The following BMPER variants were observed in gnomAD, a reference collection of about 807,000 sequenced individuals.
BMPER encodes the protein BMP-binding endothelial regulator protein.
Under a neutral mutation model 87.3 loss-of-function variants are expected in BMPER, and 45 were observed. That is an observed-to-expected ratio of 0.52 (90% confidence interval 0.41 to 0.66). The LOEUF is 0.66. BMPER is among the 30% of genes least tolerant of loss of function. The pLI is 0.00. For synonymous variants in BMPER, 326 were observed against 316.2 expected (o/e 1.03, Z -0.33); for missense variants, 784 against 867.5 (o/e 0.90, Z 1.21).
chr7:34,105,132 G>A (rs1278201891), intron 13 of BMPER, among the ~76,000 whole-genome samples: 1 of 152,154 alleles, frequency 6.6e-6, no homozygotes, highest in Non-Finnish European at 1.5e-5. Context: ...ACATGTTCTG[G>A]GCTATTTGTG....
intron 6 of BMPER, among the ~76,000 whole-genome samples, chr7:34,014,041 G>A (rs1786957524): frequency 6.6e-6 from 1 of 151,906 alleles, no homozygotes; most frequent in Non-Finnish European, 1.5e-5. Context: ...TTGCCCATCA[G>A]GGTAAGGACC....
chr7:33,907,783 C>A (rs1783859179), intron 2 of BMPER, among the ~76,000 whole-genome samples: 2 of 152,104 alleles, frequency 1.3e-5, no homozygotes, highest in African/African-American at 2.4e-5. Context: ...ATGCAAAGCC[C>A]CAGAATGATA....
At chr7:33,969,917 T>G (rs1372142007) in intron 4 of BMPER, among the ~76,000 whole-genome samples, 3 of 152,176 alleles carry the variant, frequency 2.0e-5, no homozygotes, top group Non-Finnish European at 4.4e-5. Flanking sequence ...TGGGTTAAGA[T>G]GCTTATATGC....
At chr7:33,966,692 T>C in intron 4 of BMPER, 131 bp downstream of exon 4, 3 of 797,368 alleles carry the variant, frequency 3.8e-6, no homozygotes, top group African/African-American at 1.7e-5. Flanking sequence ...AAAAAGCAAC[T>C]GTATCCTTGT....
chr7:34,076,206 A>G (rs1054052180), intron 11 of BMPER, among the ~76,000 whole-genome samples: 2 of 152,166 alleles, frequency 1.3e-5, no homozygotes, highest in Non-Finnish European at 2.9e-5. Flanking sequence ...GCTTCCCCAG[A>G]GTCACTTGAG....
rs1400459857 is a variant in BMPER, at chr7:34,078,906, C to T, written c.1128C>T (p.Asp376=). The change falls in exon 12 of 15, where the codon GAC becomes GAT. Residue 376 remains aspartate, a synonymous_variant. Transcript: ENST00000649409. ...VFGDPHYNTF[D]GRTFNFQGTC... The stretch of plus-strand genomic sequence containing the variant: ...GAGATCCCCACTACAACACTTTTGA[C>T]GGTCGGACATTTAACTTTCAGGGGA... The T allele has an allele frequency of 5.6e-6, 9 of 1,614,068 alleles. No individual in the cohort carries two copies. The highest frequency in any genetic ancestry group is 1.3e-5 in the African/African-American group (1 of 74,908).
At chr7:33,966,338 G>T in intron 3 of BMPER, 141 bp from the exon 4 acceptor site, 1 of 711,068 alleles carries the variant, frequency 1.4e-6, no homozygotes, top group Non-Finnish European at 2.5e-6. Flanking sequence ...GTTGTGTTTT[G>T]GGGAAAAATA....
Position 34,079,147 on chromosome 7 carries a change from G to T in BMPER, c.1369G>T (p.Asp457Tyr). 1 of 1,613,892 alleles carries T rather than the reference G, an allele frequency of 6.2e-7. No individual in the cohort carries two copies. Among genetic ancestry groups the T allele is most frequent in the East Asian group, 2.2e-5 (1 of 44,866 alleles). ...LPCRAPHFHIDLDGYLLKVTT... is the reference protein window; with the variant it reads ...LPCRAPHFHIYLDGYLLKVTT... ...CTGCCGCGCGCCACACTTCCACATC[G>T]ACCTGGATGGCTACCTCTTGAAAGT... The change falls in exon 12 of 15, where the codon GAC becomes TAC. Residue 457 changes from aspartate (D) to tyrosine (Y), a missense_variant. Transcript: ENST00000649409.
At chr7:33,933,914 G>A (rs962078609) in intron 2 of BMPER, among the ~76,000 whole-genome samples, 4 of 152,192 alleles carry the variant, frequency 2.6e-5, no homozygotes, top group African/African-American at 9.7e-5. Flanking sequence ...TCTGTAAGAT[G>A]GCGATCATTG....
chr7:34,112,719 T>C (rs1485998214), intron 13 of BMPER, among the ~76,000 whole-genome samples: 1 of 152,004 alleles, frequency 6.6e-6, no homozygotes, highest in African/African-American at 2.4e-5. Context: ...TATAGGATCA[T>C]TTTAAATGCC....
chr7:34,089,120 A>G (rs1269710451), intron 13 of BMPER, among the ~76,000 whole-genome samples: 1 of 152,192 alleles, frequency 6.6e-6, no homozygotes, highest in African/African-American at 2.4e-5. Context: ...ACCCAAAAGT[A>G]TAGTCAGATC....
intron 9 of BMPER, among the ~76,000 whole-genome samples, chr7:34,056,380 T>A (rs748652697): frequency 6.6e-6 from 1 of 152,012 alleles, no homozygotes; most frequent in Non-Finnish European, 1.5e-5. Flanking sequence ...CCTGCACATG[T>A]ACCCCAGAAC....
At chr7:34,060,224 C>T (rs956810378) in intron 10 of BMPER, among the ~76,000 whole-genome samples, 3 of 152,092 alleles carry the variant, frequency 2.0e-5, no homozygotes, top group African/African-American at 7.2e-5. Context: ...CTTTCATTTT[C>T]TGAAGACGAG....
At chr7:34,117,348 C>T (rs1232750467) in intron 13 of BMPER, among the ~76,000 whole-genome samples, 1 of 152,172 alleles carries the variant, frequency 6.6e-6, no homozygotes, top group African/African-American at 2.4e-5. Flanking sequence ...ACTAGGCTTA[C>T]ATTCCTATGA....
chr7:33,937,484 G>A (rs1784633515), intron 3 of BMPER, 96 bp downstream of exon 3: 6 of 1,209,938 alleles, frequency 5.0e-6, no homozygotes, highest in Non-Finnish European at 7.2e-6. Flanking sequence ...CTTTTGGCTG[G>A]GGTGCACATG....
At position 34,085,097 on chromosome 7, in the gene BMPER, G is replaced by C. The variant is rs541124653; in HGVS notation, c.1409-659G>C. Among the ~76,000 whole-genome samples, 9 of 152,232 alleles carry C rather than the reference G, an allele frequency of 5.9e-5. No homozygotes were observed. In the South Asian group the frequency reaches 1.7e-3, roughly 28 times the overall value. Reference sequence around the variant, plus strand: ...GAGGCCTGAGGGATAGCAATTAGAAGGGTTTCACAACAACTCAACCCCAAA... The same window carrying C: ...GAGGCCTGAGGGATAGCAATTAGAACGGTTTCACAACAACTCAACCCCAAA... On this transcript the variant is annotated intron_variant, in intron 12 of 14. Transcript: ENST00000649409.
chr7:33,952,566 C>T (rs757266661), intron 3 of BMPER, among the ~76,000 whole-genome samples: 5 of 152,140 alleles, frequency 3.3e-5, no homozygotes, highest in Non-Finnish European at 5.9e-5. Context: ...TGTCTAGGTT[C>T]GCTTTTATTT....
intron 13 of BMPER, among the ~76,000 whole-genome samples, chr7:34,140,372 T>A (rs542809624): frequency 1.3e-5 from 2 of 152,334 alleles, no homozygotes; most frequent in Non-Finnish European, 2.9e-5. Context: ...AAAACAACAT[T>A]TATGAATTTT....
intron 6 of BMPER, among the ~76,000 whole-genome samples, chr7:34,037,340 G>A (rs35040115): frequency 1.3e-5 from 2 of 152,116 alleles, no homozygotes; most frequent in Admixed American, 1.3e-4. Flanking sequence ...GTTTAACACT[G>A]TCTCTATAGC....
Sources: allele counts gnomAD v4.1 joint callset (sites outside exome capture counted in the v4.1 genomes callset), GRCh38; gene constraint gnomAD v4.1.1; transcripts MANE v1.5; gene names NCBI Gene and HGNC (gene_info 2026-07-23, HGNC 2026-07-21).